SEC23A: variants seen among roughly 807,000 people sequenced by gnomAD.
The protein encoded by SEC23A is SEC23 homolog A, COPII component.
SEC23A carries 56 observed loss-of-function variants against 103.7 expected under a neutral mutation model. That is an observed-to-expected ratio of 0.54 (90% CI 0.44 to 0.67). The LOEUF (loss-of-function observed/expected upper bound fraction) is 0.67. Ranked by LOEUF, SEC23A falls within the 30% of genes least tolerant of loss-of-function variation. The pLI is 0.00. For missense variants in SEC23A, 784 were observed against 936.4 expected, an observed-to-expected ratio of 0.84 and a Z score of 2.12; for synonymous variants, 281 against 293.0, an observed-to-expected ratio of 0.96 and a Z score of 0.42.
At chr14:39,034,946 C>CA (rs1330682374) in intron 19 of SEC23A, among the ~76,000 whole-genome samples, 1 of 152,026 alleles carries the variant, frequency 6.6e-6, no homozygotes, top group African/African-American at 2.4e-5. Context: ...TTCTGACCCC[C>CA]AAAAAATCCT....
chr14:39,058,247 G>C (rs918312944), intron 13 of SEC23A, among the ~76,000 whole-genome samples: 1 of 151,670 alleles, frequency 6.6e-6, no homozygotes, highest in African/African-American at 2.4e-5. Flanking sequence ...AGGGAATTCA[G>C]GCAGCAGCAT....
At chr14:39,043,942 A>G (rs1594437519) in intron 16 of SEC23A, among the ~76,000 whole-genome samples, 1 of 152,174 alleles carries the variant, frequency 6.6e-6, no homozygotes, top group East Asian at 1.9e-4. Context: ...ATAAACAACA[A>G]ATAACTTTTT....
intron 18 of SEC23A, chr14:39,039,724 T>C (rs1566479541): frequency 6.6e-6 from 1 of 152,618 alleles, no homozygotes; most frequent in Non-Finnish European, 1.5e-5. Context: ...TTCTACTCTC[T>C]AAGGAATCAG....
chr14:39,102,462 C>A lies in SEC23A; in HGVS notation c.-22+570G>T, dbSNP rs140646385. On this transcript the variant is annotated intron_variant, in intron 1 of 19. Transcript: ENST00000307712. ...GATGTAGATTTACTATGACCTTCCTCAGGCAGTACCTTTACCACCAAATCG... is the reference window on the plus strand; with the variant it reads ...GATGTAGATTTACTATGACCTTCCTAAGGCAGTACCTTTACCACCAAATCG... Among the ~76,000 whole-genome samples, 7 of 152,340 alleles carry A rather than the reference C, an allele frequency of 4.6e-5. No individual in the cohort carries two copies. The East Asian group carries it at 1.4e-3, about 29-fold the overall frequency.
At chr14:39,050,808 G>A (rs36185853) in intron 14 of SEC23A, among the ~76,000 whole-genome samples, 1 of 150,610 alleles carries the variant, frequency 6.6e-6, no homozygotes, top group Non-Finnish European at 1.5e-5. Context: ...GGAAAGAAAG[G>A]AAGAAAGAAA....
intron 13 of SEC23A, among the ~76,000 whole-genome samples, chr14:39,058,797 C>T (rs1886344912): frequency 6.6e-6 from 1 of 152,078 alleles, no homozygotes; most frequent in East Asian, 1.9e-4. Context: ...CATGATTATA[C>T]TAATAGTTTG....
chr14:39,076,499 C>G (rs1228166275), intron 7 of SEC23A, among the ~76,000 whole-genome samples: 3 of 149,924 alleles, frequency 2.0e-5, no homozygotes, highest in Middle Eastern at 6.9e-3. Flanking sequence ...AACTCCTGGG[C>G]TCAAGTGATC....
At chr14:39,057,875 T>C (rs1443326971) in intron 13 of SEC23A, among the ~76,000 whole-genome samples, 1 of 152,230 alleles carries the variant, frequency 6.6e-6, no homozygotes, top group Admixed American at 6.5e-5. Context: ...AAGTTTCTCA[T>C]TGGTCTTTCA....
At chr14:39,057,732 G>A (rs1886297854) in intron 13 of SEC23A, among the ~76,000 whole-genome samples, 1 of 152,184 alleles carries the variant, frequency 6.6e-6, no homozygotes, top group Non-Finnish European at 1.5e-5. Flanking sequence ...AGATATGCAA[G>A]TCCCTATATC....
Position 39,040,784 on chromosome 14 carries a change from T to A in SEC23A, c.2090A>T (p.His697Leu). The change falls in exon 18 of 20, where the codon CAC (histidine) becomes CTC (leucine). Residue 697 changes from histidine (H) to leucine (L), a missense_variant. Physicochemically the swap from His to Leu is moderately conservative, Grantham distance 99. Around this residue, in one of 2 missense-constraint regions of SEC23A, gnomAD observed 101 missense variants for 162.2 expected, o/e 0.62. Transcript: ENST00000307712. Reference sequence around the variant, plus strand: ...GTATCTTGGCATTGGAAATCTGGAGTGAAGAATTTCCTGTGCATCATCCAC... The same window carrying A: ...GTATCTTGGCATTGGAAATCTGGAGAGAAGAATTTCCTGTGCATCATCCAC... ...APVDDAQEIL[H>L]SRFPMPRYID... The A allele has an allele frequency of 6.2e-7, 1 of 1,614,120 alleles. No individual in the cohort carries two copies. Among genetic ancestry groups the A allele is most frequent in the Non-Finnish European group, 8.5e-7 (1 of 1,180,024 alleles).
chr14:39,034,898 G>A (rs1380917910), intron 19 of SEC23A, among the ~76,000 whole-genome samples: 1 of 152,042 alleles, frequency 6.6e-6, no homozygotes, highest in Non-Finnish European at 1.5e-5. Flanking sequence ...GCCCTCTTAC[G>A]GCCGTTCATG....
chr14:39,041,409 CAAAAAAAAAAAAAAAA>C (rs56911438), intron 17 of SEC23A: 1 of 14,638 alleles, frequency 6.8e-5, no homozygotes, highest in Non-Finnish European at 1.2e-4. Flanking sequence ...AAAGAAAAAG[CAAAAAAAAAAAAAAAA>C]AAAAAAAAAG....
At chr14:39,040,523 A>C (rs1181017508) in intron 18 of SEC23A, 1 of 606,998 alleles carries the variant, frequency 1.6e-6, no homozygotes, top group East Asian at 2.9e-5. Context: ...AAGATGATGG[A>C]AAGTGCCAGG....
intron 9 of SEC23A, among the ~76,000 whole-genome samples, chr14:39,070,790 G>A (rs1323962536): frequency 2.6e-5 from 4 of 152,178 alleles, no homozygotes; most frequent in Non-Finnish European, 4.4e-5. Context: ...ACTTTGGGAG[G>A]CCATGGCAGG....
At chr14:39,054,840 T>C (rs1886186871) in intron 14 of SEC23A, among the ~76,000 whole-genome samples, 1 of 152,170 alleles carries the variant, frequency 6.6e-6, no homozygotes, top group Admixed American at 6.6e-5. Flanking sequence ...GCACTAAAAA[T>C]TGTTACAATA....
chr14:39,067,537 A>T (rs1283599018), intron 9 of SEC23A, among the ~76,000 whole-genome samples: 4 of 1,216 alleles, frequency 3.3e-3, no homozygotes, highest in East Asian at 0.12. Context: ...TGGTAATTTA[A>T]AAAAAAATTC....
chr14:39,049,829 G>A (rs1885991421), intron 14 of SEC23A, among the ~76,000 whole-genome samples: 1 of 149,828 alleles, frequency 6.7e-6, no homozygotes, highest in South Asian at 2.1e-4. Context: ...GTCTCGCTCT[G>A]TCACCCAGGA....
intron 5 of SEC23A, among the ~76,000 whole-genome samples, chr14:39,090,056 C>T (rs1353335344): frequency 1.3e-5 from 2 of 152,162 alleles, no homozygotes; most frequent in African/African-American, 4.8e-5. Context: ...CCCATTTAAA[C>T]CTGCAAATTC....
At chr14:39,076,895 C>G (rs1245539810) in intron 7 of SEC23A, among the ~76,000 whole-genome samples, 1 of 149,484 alleles carries the variant, frequency 6.7e-6, no homozygotes, top group Non-Finnish European at 1.5e-5. Flanking sequence ...CCACTGCACT[C>G]CAGCCTGGGC....
Sources: gnomAD v4.1 joint callset for allele counts (sites outside exome capture counted in the v4.1 genomes callset) on GRCh38, gnomAD v4.1.1 for gene constraint, gnomAD v4.1.1 regional missense constraint, MANE v1.5 for transcripts, NCBI Gene and HGNC (gene_info 2026-07-23, HGNC 2026-07-21) for gene names.